PLEKHA7: variants seen among roughly 807,000 people sequenced by gnomAD.
PLEKHA7 encodes pleckstrin homology domain containing A7.
Under a neutral mutation model 170.0 loss-of-function variants are expected in PLEKHA7, and 104 were observed. That is an observed-to-expected ratio of 0.61 (90% CI 0.52 to 0.72). The LOEUF is 0.72. Ranked by LOEUF, PLEKHA7 falls within the 30% of genes least tolerant of loss-of-function variation. The probability of loss-of-function intolerance (pLI) is 0.00; values close to 1 mark genes in which losing one functional copy is unlikely to be tolerated. For synonymous variants in PLEKHA7, 648 were observed against 660.8 expected (o/e 0.98, Z 0.30); for missense variants, 1,615 against 1,671.7 (o/e 0.97, Z 0.59).
intron 3 of PLEKHA7, among the ~76,000 whole-genome samples, chr11:16,988,707 A>C: frequency 6.6e-6 from 1 of 152,202 alleles, no homozygotes; most frequent in Non-Finnish European, 1.5e-5. Context: ...CAGCCTCCCA[A>C]GGTGCTGGGA....
chr11:16,873,330 A>C (rs370161), intron 3 of PLEKHA7, among the ~76,000 whole-genome samples: 69,416 of 151,966 alleles, frequency 0.46, 16,539 homozygotes, highest in Non-Finnish European at 0.54. Flanking sequence ...TCTGGGGTAA[A>C]CTGGGCACTG....
In PLEKHA7 at chr11:16,789,464, C is replaced by T; in HGVS notation, c.3157-168G>A. On this transcript the variant is annotated intron_variant, in intron 22 of 26. Transcript: ENST00000531066. The surrounding 1 kb of genome is among the most constrained non-coding windows in gnomAD (Gnocchi z 4.6). Reference sequence around the variant, plus strand: ...CTATTTCCTCTAAGCAACACGATGCCCCCAACCCTCAGGAGCTTTCTGAGT... The same window carrying T: ...CTATTTCCTCTAAGCAACACGATGCTCCCAACCCTCAGGAGCTTTCTGAGT... 1 of 670,896 alleles carries T rather than the reference C, an allele frequency of 1.5e-6. No homozygotes were observed. The highest frequency in any genetic ancestry group is 1.9e-5 in the South Asian group (1 of 53,310). 41.6% of individuals were successfully genotyped at this position (670,896 alleles called of 1,614,324 possible).
At chr11:16,793,148 C>T (rs1210562541) in intron 19 of PLEKHA7, among the ~76,000 whole-genome samples, 2 of 152,212 alleles carry the variant, frequency 1.3e-5, no homozygotes, top group African/African-American at 4.8e-5. Context: ...AAGGGACGGA[C>T]TTGCCTGAGG....
intron 4 of PLEKHA7, among the ~76,000 whole-genome samples, chr11:16,868,904 G>C (rs1232902161): frequency 1.3e-5 from 2 of 152,222 alleles, no homozygotes; most frequent in African/African-American, 4.8e-5. Flanking sequence ...AAGGAATTGT[G>C]TGTGACAAGT....
At chr11:16,786,484 C>T (rs1849403972) in intron 23 of PLEKHA7, 97 bp from the exon 24 acceptor site, 2 of 1,508,886 alleles carry the variant, frequency 1.3e-6, no homozygotes, top group Non-Finnish European at 8.8e-7. Context: ...GAAGATGAAC[C>T]TGTGATCCCC....
chr11:16,860,091 C>G (rs1853816957), intron 4 of PLEKHA7, among the ~76,000 whole-genome samples: 1 of 152,194 alleles, frequency 6.6e-6, no homozygotes, highest in Non-Finnish European at 1.5e-5. Flanking sequence ...CTCCTCCCAT[C>G]TGAAATGAAC....
intron 3 of PLEKHA7, among the ~76,000 whole-genome samples, chr11:16,903,687 A>G (rs1339537606): frequency 2.0e-5 from 3 of 152,228 alleles, no homozygotes; most frequent in African/African-American, 7.2e-5. Flanking sequence ...CAAAATAAAG[A>G]TAGGCTCTTC....
intron 26 of PLEKHA7, among the ~76,000 whole-genome samples, chr11:16,779,882 A>G (rs1202979450): frequency 6.6e-6 from 1 of 151,622 alleles, no homozygotes; most frequent in Non-Finnish European, 1.5e-5. Flanking sequence ...CTGAACTCAC[A>G]TCAAAGGGGT....
At chr11:16,850,218 C>G (rs1423593924) in intron 8 of PLEKHA7, among the ~76,000 whole-genome samples, 1 of 152,190 alleles carries the variant, frequency 6.6e-6, no homozygotes, top group Non-Finnish European at 1.5e-5. Flanking sequence ...TTATGACCTA[C>G]TGTCTAGTGT....
intron 3 of PLEKHA7, among the ~76,000 whole-genome samples, chr11:16,996,050 T>C (rs1407113813): frequency 6.6e-6 from 1 of 152,198 alleles, no homozygotes; most frequent in Non-Finnish European, 1.5e-5. Flanking sequence ...ACCATAGCCA[T>C]TATAGAGAAA....
At chr11:16,816,746 C>A in intron 11 of PLEKHA7, 54 bp downstream of exon 11, 2 of 1,584,560 alleles carry the variant, frequency 1.3e-6, no homozygotes, top group South Asian at 2.3e-5. Context: ...CCAGGCAAAG[C>A]TCCTGGCGCC....
At chr11:16,866,108 T>G (rs1854372013) in intron 4 of PLEKHA7, among the ~76,000 whole-genome samples, 1 of 149,016 alleles carries the variant, frequency 6.7e-6, no homozygotes, top group Non-Finnish European at 1.5e-5. Flanking sequence ...GGATTACAGG[T>G]GTGAGCCACT....
chr11:16,973,285 G>A (rs1862838683), intron 3 of PLEKHA7, among the ~76,000 whole-genome samples: 2 of 152,178 alleles, frequency 1.3e-5, no homozygotes, highest in South Asian at 4.1e-4. Context: ...GCCATCACCT[G>A]CAGTGTTCAA....
intron 3 of PLEKHA7, among the ~76,000 whole-genome samples, chr11:16,880,958 G>T (rs1013949395): frequency 6.7e-6 from 1 of 149,396 alleles, no homozygotes; most frequent in Non-Finnish European, 1.5e-5. Flanking sequence ...AGACTGAAAT[G>T]TAACAACACT....
intron 3 of PLEKHA7, among the ~76,000 whole-genome samples, chr11:16,885,088 C>A (rs1253836604): frequency 6.6e-6 from 1 of 152,200 alleles, no homozygotes; most frequent in Non-Finnish European, 1.5e-5. Context: ...TGCCTGTAAT[C>A]CCAATACTTT....
Position 16,783,589 on chromosome 11 carries a change from C to T in PLEKHA7, c.3650+111G>A, listed in dbSNP as rs952515118. 4.2e-5 allele frequency: 51 copies of T among 1,218,152 alleles called. No homozygotes were observed. In the East Asian group the frequency reaches 7.8e-4, roughly 19 times the overall value. 75.5% of individuals were successfully genotyped at this position (1,218,152 alleles called of 1,614,324 possible). A position where few individuals can be genotyped will look rare whatever the true frequency, so the allele number is the denominator to read the frequency against. ...TCCAATGAGTAGGGCTTACCTGAGA[C>T]GAAGACCTGGCAAAACACGCACCCC... On this transcript the variant is annotated intron_variant, in intron 25 of 26. Transcript: ENST00000531066.
intron 3 of PLEKHA7, among the ~76,000 whole-genome samples, chr11:16,930,368 C>T (rs944213568): frequency 5.3e-5 from 8 of 152,158 alleles, no homozygotes; most frequent in South Asian, 2.1e-4. Context: ...ATCTCTTGAA[C>T]CCAGGAGCTA....
intron 4 of PLEKHA7, among the ~76,000 whole-genome samples, 164 bp downstream of exon 4, chr11:16,870,935 G>A (rs1362224073): frequency 2.6e-5 from 4 of 152,148 alleles, no homozygotes; most frequent in Admixed American, 6.5e-5. Flanking sequence ...GAAGTCTGAA[G>A]GTTGAAAAAT....
intron 3 of PLEKHA7, among the ~76,000 whole-genome samples, chr11:16,931,755 T>TCCCC (rs11318824): frequency 8.0e-6 from 1 of 124,682 alleles, no homozygotes; most frequent in African/African-American, 3.4e-5. Flanking sequence ...TGAGATTCCA[T>TCCCC]CCCCCCCCCC....
Sources: allele counts gnomAD v4.1 joint callset (sites outside exome capture counted in the v4.1 genomes callset), GRCh38; gene constraint gnomAD v4.1.1; non-coding constraint Gnocchi (gnomAD v3.1); transcripts MANE v1.5; gene names NCBI Gene and HGNC (gene_info 2026-07-23, HGNC 2026-07-21).